The following CDH4 variants were observed in gnomAD, a reference collection of about 807,000 sequenced individuals.
The protein encoded by CDH4 is cadherin 4, also known as cadherin-4.
In CDH4, 33 loss-of-function variants were observed where a neutral mutation model predicts 86.0. The ratio of observed to expected loss-of-function variants is 0.38; its 90% CI spans 0.29 to 0.51. The LOEUF (loss-of-function observed/expected upper bound fraction) is 0.51, where lower values mean the gene tolerates loss of function less well. CDH4 is among the 20% of genes least tolerant of loss of function. CDH4 has a pLI of 0.86. For synonymous variants in CDH4, 555 were observed against 549.4 expected (o/e 1.01, Z -0.14); for missense variants, 1,114 against 1,307.4 (o/e 0.85, Z 2.28).
At chr20:61,519,395 G>A (rs1166975811) in intron 2 of CDH4, among the ~76,000 whole-genome samples, 1 of 152,236 alleles carries the variant, frequency 6.6e-6, no homozygotes, top group African/African-American at 2.4e-5. Flanking sequence ...AGAGGCAGCT[G>A]CAGCAGCTGC....
chr20:61,827,892 T>C (rs1216698812), intron 4 of CDH4, among the ~76,000 whole-genome samples: 1 of 152,158 alleles, frequency 6.6e-6, no homozygotes, highest in African/African-American at 2.4e-5. Context: ...CAGATGGAAA[T>C]AGATCTAGTA....
chr20:61,360,967 T>G (rs1221931848), intron 2 of CDH4, among the ~76,000 whole-genome samples: 1 of 151,872 alleles, frequency 6.6e-6, no homozygotes, highest in East Asian at 1.9e-4. Context: ...GGAGGGTGGG[T>G]GGGAGGCCTG....
intron 5 of CDH4, among the ~76,000 whole-genome samples, chr20:61,848,744 T>C (rs888657512): frequency 2.6e-5 from 4 of 152,126 alleles, no homozygotes; most frequent in African/African-American, 9.7e-5. Context: ...GCCAGGCTGG[T>C]CTCAAACTCC....
intron 2 of CDH4, among the ~76,000 whole-genome samples, chr20:61,569,545 C>G (rs1311950259): frequency 1.3e-5 from 2 of 152,110 alleles, no homozygotes; most frequent in African/African-American, 4.8e-5. Context: ...CACCTGTTGC[C>G]CCTAGATACT....
chr20:61,580,321 G>T (rs1398973557), intron 2 of CDH4, among the ~76,000 whole-genome samples: 3 of 152,110 alleles, frequency 2.0e-5, no homozygotes, highest in Non-Finnish European at 4.4e-5. Flanking sequence ...CAGGCGTGGT[G>T]GTGCATGCCT....
chr20:61,390,983 G>T (rs1411962569), intron 2 of CDH4, among the ~76,000 whole-genome samples: 1 of 152,198 alleles, frequency 6.6e-6, no homozygotes, highest in African/African-American at 2.4e-5. Flanking sequence ...ACTTATTAAA[G>T]AGATATTCTT....
At chr20:61,875,656 C>T (rs1983990609) in intron 7 of CDH4, among the ~76,000 whole-genome samples, 1 of 152,202 alleles carries the variant, frequency 6.6e-6, no homozygotes, top group Non-Finnish European at 1.5e-5. Flanking sequence ...CCAGCACCTT[C>T]ACCTCAGGAC....
At chr20:61,571,779 C>G (rs957628196) in intron 2 of CDH4, among the ~76,000 whole-genome samples, 3 of 149,180 alleles carry the variant, frequency 2.0e-5, no homozygotes, top group African/African-American at 7.4e-5. Context: ...TTCCCCACCC[C>G]TTCCCGCCCC....
intron 2 of CDH4, among the ~76,000 whole-genome samples, chr20:61,361,271 A>G (rs1296232573): frequency 6.6e-6 from 1 of 151,914 alleles, no homozygotes; most frequent in Admixed American, 6.5e-5. Flanking sequence ...CTTTGCCAAG[A>G]GACTTGCACG....
intron 2 of CDH4, among the ~76,000 whole-genome samples, chr20:61,297,779 G>A (rs1451887531): frequency 5.3e-5 from 8 of 152,266 alleles, no homozygotes; most frequent in Admixed American, 5.2e-4. Context: ...CTTTACCGGG[G>A]CTTCCCATTG....
chr20:61,648,023 G>C (rs1175711326), intron 2 of CDH4, among the ~76,000 whole-genome samples: 2 of 152,196 alleles, frequency 1.3e-5, no homozygotes, highest in Non-Finnish European at 2.9e-5. Context: ...CAGAAGAGGA[G>C]ACGCTTCCCA....
chr20:61,369,367 C>T (rs936034268), intron 2 of CDH4, among the ~76,000 whole-genome samples: 2 of 142,820 alleles, frequency 1.4e-5, no homozygotes, highest in Non-Finnish European at 3.0e-5. Flanking sequence ...GGGAGAATTG[C>T]TTGAACCCGG....
intron 2 of CDH4, among the ~76,000 whole-genome samples, chr20:61,494,306 A>G (rs1362664425): frequency 6.6e-6 from 1 of 152,244 alleles, no homozygotes; most frequent in Non-Finnish European, 1.5e-5. Flanking sequence ...TACTGTGCAA[A>G]TCGCTGAAAT....
At chr20:61,824,968 C>T (rs1481124690) in intron 4 of CDH4, among the ~76,000 whole-genome samples, 2 of 152,154 alleles carry the variant, frequency 1.3e-5, no homozygotes, top group African/African-American at 2.4e-5. Flanking sequence ...TTCCTGGGAC[C>T]CCACGGCCAC....
chr20:61,894,848 G>A, intron 7 of CDH4, 62 bp from the exon 8 acceptor site: 34 of 1,540,812 alleles, frequency 2.2e-5, no homozygotes, highest in Non-Finnish European at 2.8e-5. Context: ...TTTGATAAGT[G>A]CCCTGTCAAT....
At chr20:61,820,048 T>C (rs757567672) in intron 4 of CDH4, among the ~76,000 whole-genome samples, 8 of 152,176 alleles carry the variant, frequency 5.3e-5, no homozygotes, top group Non-Finnish European at 7.4e-5. Context: ...TCCCGCACTC[T>C]CCCATCCCCT....
chr20:61,683,453 C>T lies in CDH4; in HGVS notation c.170-60110C>T, dbSNP rs535950331. Among the ~76,000 whole-genome samples, 9 of 152,214 alleles carry T rather than the reference C, an allele frequency of 5.9e-5. No individual in the cohort carries two copies. The South Asian group carries it at 1.9e-3, about 32-fold the overall frequency. ...CTGTCACGGTGTATCTGGTGTCCCC[C>T]GAACCGCGAGTCGTGGAGGCCCGTG... is the stretch of plus-strand genomic sequence containing the variant. On this transcript the variant is annotated intron_variant, in intron 2 of 15. Coordinates refer to ENST00000614565, the MANE Select transcript of CDH4 (RefSeq NM_001794.5).
Position 61,681,576 on chromosome 20 carries a change from A to G in CDH4, c.170-61987A>G, listed in dbSNP as rs2087513203. On this transcript the variant is annotated intron_variant, in intron 2 of 15. Coordinates refer to ENST00000614565, the MANE Select transcript of CDH4 (RefSeq NM_001794.5). The surrounding 1 kb of genome is among the most constrained non-coding windows in gnomAD (Gnocchi z 4.5). ...GAACTCTTGTTCCAAGGGGTAGGAGAAAAAGGGGGCATCATCTAGCAGCTG... is the reference window on the plus strand; with the variant it reads ...GAACTCTTGTTCCAAGGGGTAGGAGGAAAAGGGGGCATCATCTAGCAGCTG... 1.3e-5 allele frequency among the ~76,000 whole-genome samples: 2 copies of G among 152,184 alleles called. No individual in the cohort carries two copies. The highest frequency in any genetic ancestry group is 1.9e-4 in the East Asian group (1 of 5,176).
chr20:61,431,762 C>T lies in CDH4; in HGVS notation c.169+176825C>T, dbSNP rs184556508. ...ATAATCAAGGTAGGGCATTTCCATT[C>T]CTCCCAAAAGTTCACTTTGCCCCTT... On this transcript the variant is annotated intron_variant, in intron 2 of 15. Coordinates refer to ENST00000614565, the MANE Select transcript of CDH4 (RefSeq NM_001794.5). Among the ~76,000 whole-genome samples, 101 of 152,260 alleles carry T rather than the reference C, an allele frequency of 6.6e-4. 1 individual carries two copies. Among genetic ancestry groups the T allele is most frequent in the Middle Eastern group, 6.8e-3 (2 of 294 alleles).
Sources: gnomAD v4.1 joint callset for allele counts (sites outside exome capture counted in the v4.1 genomes callset) on GRCh38, gnomAD v4.1.1 for gene constraint, Gnocchi (gnomAD v3.1) non-coding constraint, MANE v1.5 for transcripts, NCBI Gene and HGNC (gene_info 2026-07-23, HGNC 2026-07-21) for gene names.